TLE1: variants seen among roughly 807,000 people sequenced by gnomAD.
TLE1 encodes the protein transducin-like enhancer protein 1.
Under a neutral mutation model 89.8 loss-of-function variants are expected in TLE1, and 21 were observed. That is an observed-to-expected ratio of 0.23 (90% CI 0.17 to 0.34). TLE1 has a LOEUF of 0.34. Ranked by LOEUF, TLE1 falls within the 10% of genes least tolerant of loss-of-function variation. The probability of loss-of-function intolerance (pLI) is 1.00; values close to 1 mark genes in which losing one functional copy is unlikely to be tolerated. For missense variants in TLE1, 795 were observed against 1,031.2 expected, an observed-to-expected ratio of 0.77 and a Z score of 3.14; for synonymous variants, 447 against 407.6, an observed-to-expected ratio of 1.10 and a Z score of -1.16.
intron 4 of TLE1, among the ~76,000 whole-genome samples, chr9:81,661,750 C>A (rs1830820395): frequency 6.6e-6 from 1 of 152,030 alleles, no homozygotes. Context: ...AAATGACAAC[C>A]TTAAATCCCC....
chr9:81,654,175 A>T, intron 4 of TLE1, 139 bp from the exon 5 acceptor site: 1 of 685,076 alleles, frequency 1.5e-6, no homozygotes, highest in Admixed American at 2.7e-5. Flanking sequence ...AGGTTATGTT[A>T]CTAATACTTA....
chr9:81,613,444 G>A lies in TLE1; in HGVS notation c.996C>T (p.Ser332=), dbSNP rs1365131831. The change falls in exon 12 of 20, where the codon AGC becomes AGT. Residue 332 remains serine, a synonymous_variant. Transcript: ENST00000376499. ...PRSDMPTPGT[S]ATPGLRPGLG... is the part of the protein sequence containing the mutation. The stretch of plus-strand genomic sequence containing the variant: ...GACCTGGACGGAGGCCTGGAGTGGC[G>A]CTGGTGCCCGGCGTTGGCATGTCGC... The A allele has an allele frequency of 4.3e-6, 7 of 1,614,076 alleles. No individual in the cohort carries two copies. In the African/African-American group the frequency reaches 5.3e-5, roughly 12 times the overall value.
chr9:81,627,642 A>C (rs1457506731), intron 8 of TLE1, among the ~76,000 whole-genome samples: 2 of 152,200 alleles, frequency 1.3e-5, no homozygotes, highest in Admixed American at 1.3e-4. Context: ...CATTGTGCCC[A>C]AAAATTGAAA....
chr9:81,585,358 C>G (rs763627029), intron 18 of TLE1, 147 bp downstream of exon 18: 24 of 1,044,120 alleles, frequency 2.3e-5, no homozygotes, highest in Non-Finnish European at 3.0e-5. Flanking sequence ...TTGCTGTGCT[C>G]TGAAGGGCAT....
At chr9:81,585,436 A>T in intron 18 of TLE1, 69 bp downstream of exon 18, 13 of 1,569,290 alleles carry the variant, frequency 8.3e-6, no homozygotes, top group Non-Finnish European at 1.1e-5. Context: ...GATCTCTACC[A>T]TATTTTTTTA....
chr9:81,592,375 G>A (rs1351363170), intron 15 of TLE1, among the ~76,000 whole-genome samples: 2 of 152,150 alleles, frequency 1.3e-5, no homozygotes, highest in Non-Finnish European at 2.9e-5. Flanking sequence ...AAAGAAAAAA[G>A]AGATCCGAAC....
chr9:81,668,429 C>T (rs1298717849), intron 4 of TLE1, among the ~76,000 whole-genome samples: 2 of 152,012 alleles, frequency 1.3e-5, no homozygotes, highest in African/African-American at 4.8e-5. Context: ...ATGACAGGTG[C>T]CATGGTGTAT....
At chr9:81,614,235 T>G (rs1298181105) in intron 11 of TLE1, among the ~76,000 whole-genome samples, 1 of 152,182 alleles carries the variant, frequency 6.6e-6, no homozygotes, top group Non-Finnish European at 1.5e-5. Context: ...GTCTCCTTTT[T>G]AGGTAGCCCT....
At chr9:81,668,519 A>C (rs962072132) in intron 4 of TLE1, among the ~76,000 whole-genome samples, 1 of 151,888 alleles carries the variant, frequency 6.6e-6, no homozygotes, top group African/African-American at 2.4e-5. Context: ...CTTCTTTACC[A>C]AAAAAAACCC....
At chr9:81,591,962 G>A (rs368119508) in intron 15 of TLE1, among the ~76,000 whole-genome samples, 7 of 152,354 alleles carry the variant, frequency 4.6e-5, no homozygotes, top group African/African-American at 1.7e-4. Context: ...TGCAACAGCA[G>A]AGTGCAGGCA....
chr9:81,611,737 C>T (rs766140837), intron 13 of TLE1, 32 bp downstream of exon 13: 7 of 1,472,876 alleles, frequency 4.8e-6, no homozygotes, highest in Admixed American at 6.0e-5. Flanking sequence ...AGCGTTCCTA[C>T]CCCAACCACA....
chr9:81,635,833 A>G (rs1024990875), intron 6 of TLE1, among the ~76,000 whole-genome samples: 3 of 152,188 alleles, frequency 2.0e-5, no homozygotes, highest in Admixed American at 2.0e-4. Flanking sequence ...AAATTTTACA[A>G]TGAATTTTCA....
At chr9:81,587,871 C>T (rs1390727974) in intron 16 of TLE1, 43 bp from the exon 17 acceptor site, 1 of 1,441,902 alleles carries the variant, frequency 6.9e-7, no homozygotes, top group Non-Finnish European at 9.3e-7. Flanking sequence ...CCTGCCAGAG[C>T]TCAAGGTAAA....
intron 4 of TLE1, among the ~76,000 whole-genome samples, chr9:81,664,800 T>C (rs62576200): frequency 0.016 from 2,378 of 152,252 alleles, 36 homozygotes; most frequent in Middle Eastern, 0.031. Context: ...TACACGAGGA[T>C]GGTCTTGTGC....
At chr9:81,587,634 C>G (rs769059586) in intron 17 of TLE1, 47 bp downstream of exon 17, 111 of 1,562,742 alleles carry the variant, frequency 7.1e-5, no homozygotes, top group Non-Finnish European at 9.0e-5. Context: ...GAAGACACAC[C>G]CCAGCCACCT....
chr9:81,672,986 A>G (rs1282037453), intron 4 of TLE1, among the ~76,000 whole-genome samples: 1 of 152,188 alleles, frequency 6.6e-6, no homozygotes, highest in Non-Finnish European at 1.5e-5. Flanking sequence ...AAAGACTGCC[A>G]ACAAGGCCGG....
intron 16 of TLE1, 92 bp from the exon 17 acceptor site, chr9:81,587,920 G>GTTTGTGTCATCCCGCC: frequency 9.8e-7 from 1 of 1,015,460 alleles, no homozygotes; most frequent in Non-Finnish European, 1.4e-6. Context: ...GTGTGTGTGT[G>GTTTGTGTCATCCCGCC]TGTGTGTGTG....
intron 16 of TLE1, among the ~76,000 whole-genome samples, chr9:81,589,294 T>C (rs1587856822): frequency 6.6e-6 from 1 of 152,330 alleles, no homozygotes; most frequent in East Asian, 1.9e-4. Context: ...ACCTGGCAGC[T>C]GCTCCCCCAT....
chr9:81,634,422 G>C, intron 6 of TLE1, 121 bp from the exon 7 acceptor site: 1 of 769,010 alleles, frequency 1.3e-6, no homozygotes, highest in South Asian at 2.9e-5. Context: ...GGCGGAAACA[G>C]AACAGGAGGT....
Sources: allele counts gnomAD v4.1 joint callset (sites outside exome capture counted in the v4.1 genomes callset), GRCh38; gene constraint gnomAD v4.1.1; transcripts MANE v1.5; gene names NCBI Gene and HGNC (gene_info 2026-07-23, HGNC 2026-07-21).